Variants in CSMD1 observed in about 807,000 individuals in gnomAD.
CSMD1 encodes the protein CUB and Sushi multiple domains 1, also known as CUB and sushi domain-containing protein 1.
In CSMD1, 213 loss-of-function variants were observed where a neutral mutation model predicts 417.5. That is an observed-to-expected ratio of 0.51 (90% CI 0.46 to 0.57). The LOEUF (loss-of-function observed/expected upper bound fraction) is 0.57. CSMD1 is among the 20% of genes least tolerant of loss of function. The pLI is 0.00. For missense variants in CSMD1, 6,923 were observed against 4,529.7 expected, an observed-to-expected ratio of 1.53 and a Z score of -15.17; for synonymous variants, 2,862 against 1,736.8, an observed-to-expected ratio of 1.65 and a Z score of -16.11.
intron 2 of CSMD1, among the ~76,000 whole-genome samples, chr8:4,448,288 A>G (rs184249855): frequency 2.1e-3 from 313 of 152,326 alleles, no homozygotes; most frequent in African/African-American, 7.3e-3. Flanking sequence ...TTATAACACA[A>G]AAAAGGGTAC....
At chr8:3,157,726 A>T (rs932361702) in intron 39 of CSMD1, among the ~76,000 whole-genome samples, 171 bp downstream of exon 39, 2 of 152,230 alleles carry the variant, frequency 1.3e-5, no homozygotes, top group Non-Finnish European at 2.9e-5. Flanking sequence ...CCAGTGGGGA[A>T]GGTGCAGGTT....
At chr8:3,397,199 C>G (rs577265344) in intron 16 of CSMD1, among the ~76,000 whole-genome samples, 23 of 152,270 alleles carry the variant, frequency 1.5e-4, no homozygotes, top group African/African-American at 4.8e-4. Context: ...TGACTTGGCT[C>G]TCAGGGAGCA....
In CSMD1 at chr8:4,626,636, G is replaced by C. The variant is rs544973020; in HGVS notation, c.302+10706C>G. Among the ~76,000 whole-genome samples, 4 of 152,082 alleles carry C rather than the reference G, an allele frequency of 2.6e-5. No individual in the cohort carries two copies. In the East Asian group the frequency reaches 5.8e-4, roughly 22 times the overall value. ...GCAGGGGGCAGGGTGTGGGAGGGCA[G>C]GGCGCCAGCTTGATTCTGAGGAAGA... On this transcript the variant is annotated intron_variant, in intron 2 of 69. Coordinates refer to ENST00000635120, the MANE Select transcript of CSMD1 (RefSeq NM_033225.6).
At chr8:3,512,592 A>AT (rs1797122088) in intron 10 of CSMD1, among the ~76,000 whole-genome samples, 1 of 139,828 alleles carries the variant, frequency 7.2e-6, no homozygotes, top group Non-Finnish European at 1.5e-5. Context: ...GCTTACTTTA[A>AT]TTTTTTTCTT....
chr8:4,608,600 C>T (rs1364440143), intron 2 of CSMD1, among the ~76,000 whole-genome samples: 1 of 152,200 alleles, frequency 6.6e-6, no homozygotes, highest in Non-Finnish European at 1.5e-5. Flanking sequence ...CAAAGTTATA[C>T]TACAAATGCG....
intron 3 of CSMD1, among the ~76,000 whole-genome samples, chr8:4,212,107 T>C (rs984640839): frequency 1.3e-5 from 2 of 151,824 alleles, no homozygotes; most frequent in African/African-American, 4.8e-5. Flanking sequence ...AAAGTCATGA[T>C]TTCAAAGACC....
chr8:4,377,050 T>G (rs1030380001), intron 3 of CSMD1, among the ~76,000 whole-genome samples: 52 of 152,184 alleles, frequency 3.4e-4, no homozygotes, highest in African/African-American at 1.2e-3. Context: ...TTCAGATTGT[T>G]CTCCTGGATC....
At chr8:3,378,360 G>C (rs931170313) in intron 18 of CSMD1, among the ~76,000 whole-genome samples, 5 of 151,986 alleles carry the variant, frequency 3.3e-5, no homozygotes, top group South Asian at 4.2e-4. Flanking sequence ...AACTATTCCA[G>C]ACAATAAAAA....
chr8:4,741,491 A>G (rs572903024), intron 1 of CSMD1, among the ~76,000 whole-genome samples: 27 of 152,238 alleles, frequency 1.8e-4, no homozygotes, highest in Non-Finnish European at 2.9e-4. Context: ...CACAAATATT[A>G]TAGTAGAATC....
chr8:3,559,290 T>A (rs1799364608), intron 10 of CSMD1, among the ~76,000 whole-genome samples: 1 of 152,204 alleles, frequency 6.6e-6, no homozygotes, highest in African/African-American at 2.4e-5. Context: ...GGTGTGAACA[T>A]GAAGATCGCC....
chr8:3,782,382 T>A (rs1221161193), intron 5 of CSMD1, among the ~76,000 whole-genome samples: 2 of 152,188 alleles, frequency 1.3e-5, no homozygotes, highest in Non-Finnish European at 2.9e-5. Flanking sequence ...TTAACCTGAA[T>A]AATCACGATA....
At position 3,647,835 on chromosome 8, in the gene CSMD1, G is replaced by C. The variant is rs566029331; in HGVS notation, c.1010-31038C>G. Among the ~76,000 whole-genome samples, 4 of 152,366 alleles carry C rather than the reference G, an allele frequency of 2.6e-5. No individual in the cohort carries two copies. The East Asian group carries it at 7.7e-4, about 29-fold the overall frequency. On this transcript the variant is annotated intron_variant, in intron 7 of 69. Coordinates refer to ENST00000635120, the MANE Select transcript of CSMD1 (RefSeq NM_033225.6). ...GCAAATGTATAATGTTGGTGAATCT[G>C]AGAAGGCACTTTGTACCTTTTCTAA...
At chr8:3,934,345 G>C (rs552526235) in intron 5 of CSMD1, among the ~76,000 whole-genome samples, 1 of 152,252 alleles carries the variant, frequency 6.6e-6, no homozygotes, top group Admixed American at 6.5e-5. Flanking sequence ...CGTACAAAAA[G>C]AGGAGAAAAA....
In CSMD1 at chr8:3,642,700, T is replaced by C. The variant is rs553274324; in HGVS notation, c.1010-25903A>G. 9.9e-5 allele frequency among the ~76,000 whole-genome samples: 15 copies of C among 152,206 alleles called. No individual in the cohort carries two copies. In the East Asian group the frequency reaches 2.7e-3, roughly 27 times the overall value. On this transcript the variant is annotated intron_variant, in intron 7 of 69. Transcript: ENST00000635120. ...TATAGGAAAGAGGATACAAAAGAAG[T>C]ATATTTAACATATATCTATTAGTAA...
chr8:4,648,604 C>G (rs1253124516), intron 1 of CSMD1, among the ~76,000 whole-genome samples: 1 of 152,130 alleles, frequency 6.6e-6, no homozygotes, highest in Admixed American at 6.5e-5. Flanking sequence ...TGCACAGTGG[C>G]TGCATGGATA....
rs112035103 is a variant in CSMD1, at chr8:3,523,696, C to T, written c.1345-29970G>A. ...ACACGTACACCCAGAGAGACATATG[C>T]ACACATGTGCATGCACACACATATG... On this transcript the variant is annotated intron_variant, in intron 10 of 69. Coordinates refer to ENST00000635120, the MANE Select transcript of CSMD1 (RefSeq NM_033225.6). 6.5e-3 allele frequency among the ~76,000 whole-genome samples: 985 copies of T among 150,856 alleles called. 9 individuals are homozygous for T. The highest frequency in any genetic ancestry group is 0.022 in the African/African-American group (911 of 40,880).
chr8:3,406,253 A>C, intron 14 of CSMD1, 32 bp from the exon 15 acceptor site: 1 of 1,522,298 alleles, frequency 6.6e-7, no homozygotes, highest in Non-Finnish European at 8.9e-7. Context: ...AAAAGGAATA[A>C]AAATACTTGA....
chr8:3,147,293 A>G lies in CSMD1; in HGVS notation c.6031+4104T>C, dbSNP rs145746483. Among the ~76,000 whole-genome samples the G allele has an allele frequency of 3.4e-3, 521 of 152,222 alleles. 5 individuals are homozygous for G. Among genetic ancestry groups the G allele is most frequent in the Middle Eastern group, 0.021 (6 of 292 alleles). On this transcript the variant is annotated intron_variant, in intron 40 of 69. Coordinates refer to ENST00000635120, the MANE Select transcript of CSMD1 (RefSeq NM_033225.6). Reference sequence around the variant, plus strand: ...TCATACTCAATAATCTTCTATCTCTATTTTCAACTTCCCAAAATCTCATGA... The same window carrying G: ...TCATACTCAATAATCTTCTATCTCTGTTTTCAACTTCCCAAAATCTCATGA...
chr8:4,820,344 G>T (rs550319955), intron 1 of CSMD1, among the ~76,000 whole-genome samples: 3 of 152,182 alleles, frequency 2.0e-5, no homozygotes, highest in East Asian at 1.9e-4. Context: ...TTATAAAAAG[G>T]TAAGAATGAC....
Sources: gnomAD v4.1 joint callset for allele counts (sites outside exome capture counted in the v4.1 genomes callset) on GRCh38, gnomAD v4.1.1 for gene constraint, MANE v1.5 for transcripts, NCBI Gene and HGNC (gene_info 2026-07-23, HGNC 2026-07-21) for gene names.